The following CNTNAP2 variants were observed in gnomAD, a reference collection of about 807,000 sequenced individuals.
The protein encoded by CNTNAP2 is contactin associated protein 2, also known as contactin-associated protein-like 2.
A neutral mutation model predicts 155.2 loss-of-function variants in CNTNAP2; 98 were observed. The observed-to-expected ratio is 0.63, with a 90% CI of 0.54 to 0.75. The LOEUF (loss-of-function observed/expected upper bound fraction) is 0.75, where lower values mean the gene tolerates loss of function less well. Among genes scored for constraint, CNTNAP2 ranks in the 30% least tolerant of loss-of-function variants. The pLI, the probability that CNTNAP2 is intolerant of heterozygous loss-of-function variation, is 0.00. For synonymous variants in CNTNAP2, 651 were observed against 631.2 expected, an observed-to-expected ratio of 1.03 and a Z score of -0.47; for missense variants, 1,727 against 1,688.1, an observed-to-expected ratio of 1.02 and a Z score of -0.40.
chr7:148,333,871 G>C lies in CNTNAP2; in HGVS notation c.3476-49778G>C, dbSNP rs551249444. 2.6e-5 allele frequency among the ~76,000 whole-genome samples: 4 copies of C among 152,338 alleles called. No individual in the cohort carries two copies. In the South Asian group the frequency reaches 8.3e-4, roughly 32 times the overall value. On this transcript the variant is annotated intron_variant, in intron 21 of 23. Coordinates refer to ENST00000361727, the MANE Select transcript of CNTNAP2 (RefSeq NM_014141.6). ...AATGCCAGTGTTGGATGTTCTACAA[G>C]TGAGGACACTGGAGCCTCAAGAAAT...
At chr7:146,312,730 G>C (rs73463956) in intron 1 of CNTNAP2, among the ~76,000 whole-genome samples, 2,967 of 152,038 alleles carry the variant, frequency 0.02, 116 homozygotes, top group African/African-American at 0.068. Context: ...TCCACTCCTA[G>C]TTTCTGGTAT....
At chr7:148,369,338 A>G (rs1798845965) in intron 21 of CNTNAP2, among the ~76,000 whole-genome samples, 1 of 151,566 alleles carries the variant, frequency 6.6e-6, no homozygotes, top group African/African-American at 2.4e-5. Flanking sequence ...AGCTGGAATT[A>G]CAGGGGTGTG....
At chr7:146,193,897 T>G (rs577958173) in intron 1 of CNTNAP2, among the ~76,000 whole-genome samples, 34 of 152,286 alleles carry the variant, frequency 2.2e-4, no homozygotes, top group Non-Finnish European at 3.8e-4. Context: ...CTAAATCATC[T>G]CTCTCAAGTT....
chr7:148,118,947 C>A (rs1480867558), intron 16 of CNTNAP2, among the ~76,000 whole-genome samples: 2 of 152,202 alleles, frequency 1.3e-5, no homozygotes, highest in Non-Finnish European at 2.9e-5. Context: ...GCTTGGGGAG[C>A]TCCGTCAGTG....
At chr7:146,810,808 C>T (rs1042028947) in intron 2 of CNTNAP2, among the ~76,000 whole-genome samples, 14 of 152,236 alleles carry the variant, frequency 9.2e-5, no homozygotes, top group Admixed American at 2.0e-4. Flanking sequence ...GAAGTATATT[C>T]ATTCTACAAC....
rs987978077 is a variant in CNTNAP2, at chr7:148,135,316, G to C, written c.2555-12175G>C. Among the ~76,000 whole-genome samples, 8 of 152,276 alleles carry C rather than the reference G, an allele frequency of 5.3e-5. 1 individual carries two copies. Among genetic ancestry groups the C allele is most frequent in the South Asian group, 4.1e-4 (2 of 4,824 alleles). On this transcript the variant is annotated intron_variant, in intron 16 of 23. Transcript: ENST00000361727. The stretch of plus-strand genomic sequence containing the variant: ...ACAAATGGGAGCACAGATTTTGAAA[G>C]ATTGTGAAATACAGTGCCTCAACTG...
chr7:146,515,332 A>T (rs1215683740), intron 1 of CNTNAP2, among the ~76,000 whole-genome samples: 7 of 152,056 alleles, frequency 4.6e-5, no homozygotes, highest in Non-Finnish European at 1.0e-4. Context: ...TCATTTTTCC[A>T]GTGAGACACA....
chr7:146,724,904 CT>C (rs757103407), intron 1 of CNTNAP2, among the ~76,000 whole-genome samples: 15 of 152,080 alleles, frequency 9.9e-5, no homozygotes, highest in Non-Finnish European at 1.8e-4. Context: ...TGTATTAGTT[CT>C]TAGGGCTGCT....
rs117646350 is a variant in CNTNAP2, at chr7:148,061,396, C to T, written c.2384-56722C>T. ...TGAGACAGACTGTCATTCTGTCACC[C>T]ATGCTGTAGTGCAGTGGCATGATCT... On this transcript the variant is annotated intron_variant, in intron 15 of 23. Coordinates refer to ENST00000361727, the MANE Select transcript of CNTNAP2 (RefSeq NM_014141.6). 5.9e-5 allele frequency among the ~76,000 whole-genome samples: 9 copies of T among 151,860 alleles called. No individual in the cohort carries two copies. In the South Asian group the frequency reaches 1.9e-3, roughly 32 times the overall value.
intron 13 of CNTNAP2, among the ~76,000 whole-genome samples, chr7:147,684,615 G>A (rs1795992699): frequency 6.6e-6 from 1 of 151,424 alleles, no homozygotes; most frequent in African/African-American, 2.4e-5. Context: ...TGGCCCTGAG[G>A]TGTCACATGA....
chr7:146,575,821 A>G (rs913073196), intron 1 of CNTNAP2, among the ~76,000 whole-genome samples: 3 of 152,190 alleles, frequency 2.0e-5, no homozygotes, highest in Non-Finnish European at 4.4e-5. Context: ...AATTTTGGCA[A>G]TCTGTTTTGG....
intron 1 of CNTNAP2, among the ~76,000 whole-genome samples, chr7:146,524,678 G>C (rs1202001340): frequency 6.6e-6 from 1 of 152,068 alleles, no homozygotes; most frequent in East Asian, 1.9e-4. Flanking sequence ...GGTGTCACTA[G>C]TCAGCTTATA....
intron 1 of CNTNAP2, among the ~76,000 whole-genome samples, chr7:146,575,976 A>G (rs995639142): frequency 3.9e-5 from 6 of 152,236 alleles, no homozygotes; most frequent in Non-Finnish European, 8.8e-5. Context: ...TCAAGGCTGC[A>G]GCATATTCTG....
chr7:146,399,081 CAT>C (rs1795676750), intron 1 of CNTNAP2, among the ~76,000 whole-genome samples: 1 of 151,676 alleles, frequency 6.6e-6, no homozygotes, highest in South Asian at 2.1e-4. Context: ...GACAAATAAA[CAT>C]ATATATTTGT....
intron 21 of CNTNAP2, among the ~76,000 whole-genome samples, chr7:148,366,724 A>G (rs960982902): frequency 3.9e-5 from 6 of 152,222 alleles, no homozygotes; most frequent in African/African-American, 1.2e-4. Flanking sequence ...AGAGGCCATC[A>G]TGCAGTTTGT....
rs71165062 is a variant in CNTNAP2, at chr7:147,022,608, G to GTT, written c.403-21287_403-21286dup. 2.9e-3 allele frequency among the ~76,000 whole-genome samples: 407 copies of GTT among 138,914 alleles called. 3 individuals are homozygous for GTT. The highest frequency in any genetic ancestry group is 9.3e-3 in the African/African-American group (369 of 39,592). 91.1% of individuals were successfully genotyped at this position (138,914 alleles called of 152,430 possible). The stretch of plus-strand genomic sequence containing the variant: ...ATATATACACATACACAAACACATG[G>GTT]TTTTTTTTTTTTTATTACTAACCTA... On this transcript the variant is annotated intron_variant, in intron 3 of 23. Coordinates refer to ENST00000361727, the MANE Select transcript of CNTNAP2 (RefSeq NM_014141.6).
chr7:146,823,602 A>T (rs942376685), intron 2 of CNTNAP2, among the ~76,000 whole-genome samples: 2 of 149,740 alleles, frequency 1.3e-5, no homozygotes, highest in Non-Finnish European at 3.0e-5. Flanking sequence ...TTACATGGAA[A>T]TATACTCATT....
In CNTNAP2 at chr7:146,273,011, A is replaced by C. The variant is rs181272198; in HGVS notation, c.97+156038A>C. The stretch of plus-strand genomic sequence containing the variant: ...CACAGGTGGAGGAAGCACCTATTAC[A>C]TTGGGCTGGGAGGGAGTGAGGTACA... On this transcript the variant is annotated intron_variant, in intron 1 of 23. Transcript: ENST00000361727. Among the ~76,000 whole-genome samples, 320 of 151,462 alleles carry C rather than the reference A, an allele frequency of 2.1e-3. 1 individual carries two copies. Among genetic ancestry groups the C allele is most frequent in the African/African-American group, 7.5e-3 (308 of 41,232 alleles).
At chr7:147,507,829 G>A (rs1285190969) in intron 11 of CNTNAP2, among the ~76,000 whole-genome samples, 2 of 152,028 alleles carry the variant, frequency 1.3e-5, no homozygotes, top group Non-Finnish European at 2.9e-5. Flanking sequence ...GAGATTACAG[G>A]CGTGAGCCAC....
Sources: allele counts gnomAD v4.1 joint callset (sites outside exome capture counted in the v4.1 genomes callset), GRCh38; gene constraint gnomAD v4.1.1; transcripts MANE v1.5; gene names NCBI Gene and HGNC (gene_info 2026-07-23, HGNC 2026-07-21).